Variants in AGBL4 observed in about 807,000 individuals in gnomAD.
AGBL4 encodes AGBL carboxypeptidase 4.
AGBL4 carries 58 observed loss-of-function variants against 66.4 expected under a neutral mutation model. The ratio of observed to expected loss-of-function variants is 0.87; its 90% CI spans 0.71 to 1.09. The LOEUF is 1.09. Among genes scored for constraint, AGBL4 ranks in the 50% least tolerant of loss-of-function variants. The pLI is 0.00. For synonymous variants in AGBL4, 234 were observed against 222.9 expected, an observed-to-expected ratio of 1.05 and a Z score of -0.44; for missense variants, 579 against 631.0, an observed-to-expected ratio of 0.92 and a Z score of 0.88.
At chr1:49,482,496 T>G (rs1009484900) in intron 3 of AGBL4, among the ~76,000 whole-genome samples, 1 of 152,090 alleles carries the variant, frequency 6.6e-6, no homozygotes, top group South Asian at 2.1e-4. Context: ...TCATTTTTAA[T>G]TGTTTTTATA....
chr1:49,948,572 T>TAGAG (rs1363192215), intron 1 of AGBL4, among the ~76,000 whole-genome samples: 34 of 116,816 alleles, frequency 2.9e-4, no homozygotes, highest in East Asian at 2.8e-3. Context: ...AAAATATATA[T>TAGAG]ATATATATAT....
chr1:49,033,117 T>C lies in AGBL4; in HGVS notation c.594+12467A>G, dbSNP rs575146325. Among the ~76,000 whole-genome samples, 66 of 152,226 alleles carry C rather than the reference T, an allele frequency of 4.3e-4. 1 individual carries two copies. The highest frequency in any genetic ancestry group is 1.4e-3 in the African/African-American group (59 of 41,560). On this transcript the variant is annotated intron_variant, in intron 5 of 13. Coordinates refer to ENST00000371839, the MANE Select transcript of AGBL4 (RefSeq NM_032785.4). ...CAGGGTGAACTGGAAGACCCTCAGC[T>C]AGATACTGAGATGACATATCTGCCT...
At chr1:48,776,753 G>T (rs569884489) in intron 6 of AGBL4, 12 of 1,527,556 alleles carry the variant, frequency 7.9e-6, no homozygotes, top group African/African-American at 7.2e-5. Context: ...AGCCGCGAGC[G>T]GGGGCTGAAG....
intron 9 of AGBL4, among the ~76,000 whole-genome samples, chr1:48,633,717 C>T (rs1425690496): frequency 1.3e-5 from 2 of 152,190 alleles, no homozygotes; most frequent in Non-Finnish European, 1.5e-5. Context: ...GACAGAATAC[C>T]GTGGTTTGCT....
intron 4 of AGBL4, among the ~76,000 whole-genome samples, chr1:49,214,991 G>T (rs1199144021): frequency 2.0e-5 from 3 of 152,048 alleles, no homozygotes; most frequent in Non-Finnish European, 4.4e-5. Context: ...TAAAATTTGA[G>T]GGTCATGAAA....
At chr1:49,701,370 A>G (rs1401028419) in intron 2 of AGBL4, among the ~76,000 whole-genome samples, 1 of 152,154 alleles carries the variant, frequency 6.6e-6, no homozygotes, top group Non-Finnish European at 1.5e-5. Context: ...TATCACAAAA[A>G]TAGTAATAAT....
intron 3 of AGBL4, among the ~76,000 whole-genome samples, chr1:49,286,809 T>C (rs1375539449): frequency 6.6e-6 from 1 of 152,130 alleles, no homozygotes; most frequent in Non-Finnish European, 1.5e-5. Flanking sequence ...ACAGATTCAA[T>C]GCCATCCCCA....
rs1167039507 is a variant in AGBL4, at chr1:49,302,608, T to TTTTTATTTTATTTTATTTTA, written c.283-56764_283-56745dup. Among the ~76,000 whole-genome samples the TTTTTATTTTATTTTATTTTA allele has an allele frequency of 1.7e-3, 188 of 110,080 alleles. 3 individuals are homozygous for TTTTTATTTTATTTTATTTTA. The highest frequency in any genetic ancestry group is 6.3e-3 in the East Asian group (22 of 3,514). The allele number at this position is 110,080 out of a possible 152,430, so 72.2% of individuals were successfully genotyped here. On this transcript the variant is annotated intron_variant, in intron 3 of 13. Transcript: ENST00000371839. ...ATTTTATTTTATATTTTATTTTATT[T>TTTTTATTTTATTTTATTTTA]TTTTATTTTATTTTATTTTATTTTA...
At chr1:49,916,752 T>C (rs1049032094) in intron 1 of AGBL4, among the ~76,000 whole-genome samples, 2 of 152,076 alleles carry the variant, frequency 1.3e-5, no homozygotes, top group African/African-American at 4.8e-5. Flanking sequence ...AGATACTCCT[T>C]GAGAAGAGCA....
At position 49,480,484 on chromosome 1, in the gene AGBL4, G is replaced by GT. The variant is rs1003474534; in HGVS notation, c.282+216828dup. On this transcript the variant is annotated intron_variant, in intron 3 of 13. Transcript: ENST00000371839. ...CCTTTGCCCACTTTTTAATGGAGTT[G>GT]TTTTTTTTTTCTCTTGTAAATTTGT... is the stretch of plus-strand genomic sequence containing the variant. Among the ~76,000 whole-genome samples, 1,066 of 146,364 alleles carry GT rather than the reference G, an allele frequency of 7.3e-3. 13 individuals are homozygous for GT. Among genetic ancestry groups the GT allele is most frequent in the Non-Finnish European group, 0.011 (713 of 66,002 alleles).
chr1:48,832,655 T>C (rs1646581046), intron 6 of AGBL4, among the ~76,000 whole-genome samples: 1 of 152,124 alleles, frequency 6.6e-6, no homozygotes, highest in Admixed American at 6.5e-5. Context: ...TTTGCTTGAA[T>C]GTTATTTCTG....
intron 5 of AGBL4, among the ~76,000 whole-genome samples, chr1:49,006,670 C>T (rs1292680778): frequency 2.7e-5 from 4 of 150,780 alleles, no homozygotes; most frequent in Non-Finnish European, 4.4e-5. Context: ...CAGTACGCAG[C>T]TGGAGATCTG....
At chr1:49,718,661 C>A (rs1370916107) in intron 2 of AGBL4, among the ~76,000 whole-genome samples, 1 of 151,886 alleles carries the variant, frequency 6.6e-6, no homozygotes, top group Non-Finnish European at 1.5e-5. Flanking sequence ...TGTAAAAATT[C>A]TTGTCATTTA....
At chr1:49,508,999 G>T (rs903207922) in intron 3 of AGBL4, among the ~76,000 whole-genome samples, 8 of 151,698 alleles carry the variant, frequency 5.3e-5, no homozygotes, top group Middle Eastern at 3.4e-3. Flanking sequence ...AGGGAACATG[G>T]ATAAGATACC....
chr1:48,746,717 G>A (rs140055419), intron 6 of AGBL4, among the ~76,000 whole-genome samples: 27 of 152,254 alleles, frequency 1.8e-4, no homozygotes, highest in African/African-American at 6.5e-4. Flanking sequence ...TTGAAGTCAG[G>A]TCATCTTACC....
At chr1:49,693,885 T>A (rs1374585821) in intron 3 of AGBL4, among the ~76,000 whole-genome samples, 1 of 152,142 alleles carries the variant, frequency 6.6e-6, no homozygotes, top group East Asian at 1.9e-4. Flanking sequence ...ATATCAGTTT[T>A]TTAGAGAGAA....
intron 2 of AGBL4, among the ~76,000 whole-genome samples, chr1:49,814,002 A>C (rs1645171482): frequency 6.6e-6 from 1 of 152,148 alleles, no homozygotes; most frequent in Non-Finnish European, 1.5e-5. Flanking sequence ...GTTCCCCTGC[A>C]CATGCTTTCT....
At chr1:49,079,073 A>C (rs1309051711) in intron 4 of AGBL4, among the ~76,000 whole-genome samples, 1 of 152,220 alleles carries the variant, frequency 6.6e-6, no homozygotes, top group African/African-American at 2.4e-5. Context: ...TGAAGTGATT[A>C]ATAGACATCT....
chr1:48,671,595 A>G (rs1646277830), intron 6 of AGBL4, among the ~76,000 whole-genome samples: 1 of 152,230 alleles, frequency 6.6e-6, no homozygotes, highest in East Asian at 1.9e-4. Flanking sequence ...AGGATCTTGT[A>G]AGAATTAAAT....
Sources: gnomAD v4.1 joint callset for allele counts (sites outside exome capture counted in the v4.1 genomes callset) on GRCh38, gnomAD v4.1.1 for gene constraint, MANE v1.5 for transcripts, NCBI Gene and HGNC (gene_info 2026-07-23, HGNC 2026-07-21) for gene names.